The following CDH23 variants were observed in gnomAD, a reference collection of about 807,000 sequenced individuals.
CDH23 encodes cadherin related 23, also known as cadherin-23.
In CDH23, 189 loss-of-function variants were observed where a neutral mutation model predicts 317.1. That is an observed-to-expected ratio of 0.60 (90% CI 0.53 to 0.67). The LOEUF is 0.67. Ranked by LOEUF, CDH23 falls within the 30% of genes least tolerant of loss-of-function variation. The probability of loss-of-function intolerance (pLI) is 0.00; values close to 1 mark genes in which losing one functional copy is unlikely to be tolerated. For synonymous variants in CDH23, 1,839 were observed against 1,876.8 expected, an observed-to-expected ratio of 0.98 and a Z score of 0.52; for missense variants, 4,401 against 4,592.4, an observed-to-expected ratio of 0.96 and a Z score of 1.20.
At chr10:71,794,302 G>A (rs975702393) in intron 48 of CDH23, among the ~76,000 whole-genome samples, 42 of 152,150 alleles carry the variant, frequency 2.8e-4, no homozygotes, top group African/African-American at 8.2e-4. Flanking sequence ...GCACCCAGCC[G>A]TGATACCTTG....
At chr10:71,776,269 G>A (rs916220907) in intron 38 of CDH23, among the ~76,000 whole-genome samples, 12 of 152,172 alleles carry the variant, frequency 7.9e-5, no homozygotes, top group African/African-American at 2.9e-4. Flanking sequence ...CTCAGGGGCA[G>A]TGACAGCCTT....
chr10:71,605,004 A>C (rs1172131118), intron 9 of CDH23, among the ~76,000 whole-genome samples: 1 of 152,230 alleles, frequency 6.6e-6, no homozygotes, highest in Non-Finnish European at 1.5e-5. Flanking sequence ...GAAGAATTAC[A>C]CATTAAAATG....
intron 3 of CDH23, among the ~76,000 whole-genome samples, chr10:71,460,542 G>T (rs576511543): frequency 2.0e-5 from 3 of 152,370 alleles, no homozygotes; most frequent in South Asian, 4.1e-4. Context: ...CTGCTTTGCC[G>T]CATCGGCTGC....
chr10:71,417,131 A>G (rs772714471), intron 1 of CDH23, among the ~76,000 whole-genome samples: 46 of 147,710 alleles, frequency 3.1e-4, no homozygotes, highest in Admixed American at 8.9e-4. Flanking sequence ...GCTGGAGTGC[A>G]GTGGCACGAT....
chr10:71,716,435 G>T (rs1478876011), intron 28 of CDH23: 9 of 1,021,152 alleles, frequency 8.8e-6, no homozygotes, highest in South Asian at 3.4e-5. Context: ...TGTGGATGGG[G>T]GCAAGGCACT....
intron 43 of CDH23, 133 bp downstream of exon 43, chr10:71,785,233 T>A (rs945869355): frequency 2.9e-6 from 2 of 687,426 alleles, no homozygotes; most frequent in Non-Finnish European, 4.8e-6. Flanking sequence ...TGAGGACACC[T>A]CTGTGGGAAG....
intron 38 of CDH23, among the ~76,000 whole-genome samples, chr10:71,767,992 C>T (rs574899844): frequency 1.3e-5 from 2 of 152,306 alleles, no homozygotes; most frequent in South Asian, 4.1e-4. Context: ...CCCAGACTCC[C>T]CAGGCCCTTT....
chr10:71,398,382 G>GC (rs1847622358), intron 1 of CDH23, among the ~76,000 whole-genome samples: 1 of 151,818 alleles, frequency 6.6e-6, no homozygotes, highest in African/African-American at 2.4e-5. Flanking sequence ...CTTGGGAAGT[G>GC]CCCCAACCCT....
chr10:71,785,527 T>C, intron 43 of CDH23, 104 bp from the exon 44 acceptor site: 1 of 778,688 alleles, frequency 1.3e-6, no homozygotes, highest in East Asian at 2.7e-5. Context: ...CTAGATCATC[T>C]CTTAGGCAAT....
chr10:71,747,562 C>CGTAGTTCCA (rs1839881995), intron 38 of CDH23: 2 of 152,292 alleles, frequency 1.3e-5, no homozygotes, highest in Non-Finnish European at 2.9e-5. Flanking sequence ...AGGGTTTAGT[C>CGTAGTTCCA]GTAGTTCCAC....
intron 44 of CDH23, among the ~76,000 whole-genome samples, chr10:71,787,200 A>G (rs1012180236): frequency 2.0e-5 from 3 of 152,142 alleles, no homozygotes; most frequent in African/African-American, 7.2e-5. Context: ...TGAAGGAGTT[A>G]AATCCCTATT....
intron 3 of CDH23, among the ~76,000 whole-genome samples, chr10:71,479,393 G>A (rs1336609501): frequency 6.6e-6 from 1 of 152,172 alleles, no homozygotes; most frequent in Non-Finnish European, 1.5e-5. Flanking sequence ...GGATTTGGGG[G>A]CGGGTGAACT....
In CDH23 at chr10:71,645,813, T is replaced by G; in HGVS notation, c.1141-18T>G. The G allele has an allele frequency of 8.1e-6, 13 of 1,605,962 alleles. No homozygotes were observed. The highest frequency in any genetic ancestry group is 1.7e-5 in the Admixed American group (1 of 59,576). ...ACTGTGCCCTTCCTGACTGGCTTCT[T>G]CTGCACTCTTGACCCAGGGCCTGAA... On this transcript the variant is annotated intron_variant, in intron 12 of 69. Transcript: ENST00000224721.
chr10:71,781,186 C>T (rs1230921900), intron 41 of CDH23, among the ~76,000 whole-genome samples: 1 of 152,094 alleles, frequency 6.6e-6, no homozygotes, highest in Non-Finnish European at 1.5e-5. Context: ...CAACAGTGAA[C>T]CCAAGCCTCG....
chr10:71,577,544 T>C (rs117446917), intron 8 of CDH23, among the ~76,000 whole-genome samples: 2 of 152,160 alleles, frequency 1.3e-5, no homozygotes, highest in African/African-American at 4.8e-5. Flanking sequence ...GCCAGAGAGG[T>C]GCAGCAACCT....
intron 32 of CDH23, 52 bp from the exon 33 acceptor site, chr10:71,734,188 G>A (rs529688229): frequency 6.2e-6 from 9 of 1,460,688 alleles, no homozygotes; most frequent in African/African-American, 2.8e-5. Context: ...GAATGACCAG[G>A]GTTAACAAGG....
chr10:71,673,275 G>A (rs1467333773), intron 14 of CDH23, among the ~76,000 whole-genome samples: 1 of 152,196 alleles, frequency 6.6e-6, no homozygotes, highest in Non-Finnish European at 1.5e-5. Flanking sequence ...TGGGGGCCAA[G>A]GAGGTATGGT....
chr10:71,458,471 A>T (rs887208930), intron 3 of CDH23, among the ~76,000 whole-genome samples: 4 of 152,240 alleles, frequency 2.6e-5, no homozygotes, highest in African/African-American at 9.6e-5. Context: ...CTGGAAATTG[A>T]GATGATCATA....
chr10:71,707,402 AC>A (rs1432156387), intron 26 of CDH23: 24 of 1,329,310 alleles, frequency 1.8e-5, no homozygotes, highest in Non-Finnish European at 2.2e-5. Context: ...CAGAGCAGTG[AC>A]TTGGAGGAAT....
Sources: allele counts gnomAD v4.1 joint callset (sites outside exome capture counted in the v4.1 genomes callset), GRCh38; gene constraint gnomAD v4.1.1; transcripts MANE v1.5; gene names NCBI Gene and HGNC (gene_info 2026-07-23, HGNC 2026-07-21).